RGL1: variants seen among roughly 807,000 people sequenced by gnomAD.
RGL1 encodes the protein ral guanine nucleotide dissociation stimulator like 1, also known as ral guanine nucleotide dissociation stimulator-like 1.
RGL1 carries 24 observed loss-of-function variants against 95.2 expected under a neutral mutation model. That is an observed-to-expected ratio of 0.25 (90% confidence interval 0.18 to 0.35). The LOEUF (loss-of-function observed/expected upper bound fraction) is 0.35, where lower values mean the gene tolerates loss of function less well. RGL1 is among the 10% of genes least tolerant of loss of function. RGL1 has a pLI of 1.00. For synonymous variants in RGL1, 329 were observed against 344.9 expected (o/e 0.95, Z 0.51); for missense variants, 715 against 936.3 (o/e 0.76, Z 3.08).
chr1:183,726,103 G>A (rs947869585), intron 1 of RGL1, among the ~76,000 whole-genome samples: 1 of 152,078 alleles, frequency 6.6e-6, no homozygotes, highest in Non-Finnish European at 1.5e-5. Flanking sequence ...GAAAATATTT[G>A]GGGGTAAATG....
At chr1:183,923,818 T>G (rs570444954) in intron 17 of RGL1, among the ~76,000 whole-genome samples, 1 of 152,316 alleles carries the variant, frequency 6.6e-6, no homozygotes, top group Admixed American at 6.5e-5. Flanking sequence ...GCTGAGCCTT[T>G]GTGCACAGAA....
intron 1 of RGL1, among the ~76,000 whole-genome samples, chr1:183,732,211 T>C (rs886620783): frequency 9.9e-5 from 15 of 152,150 alleles, no homozygotes; most frequent in African/African-American, 3.6e-4. Context: ...GAACGCAAGA[T>C]ACAATCTTAG....
At chr1:183,702,815 C>A (rs373387821) in intron 1 of RGL1, among the ~76,000 whole-genome samples, 1 of 152,178 alleles carries the variant, frequency 6.6e-6, no homozygotes, top group East Asian at 1.9e-4. Flanking sequence ...AGCGCACCAA[C>A]GAACAACACA....
At position 183,927,419 on chromosome 1, in the gene RGL1, CTGA is replaced by C. The variant is rs948003710; in HGVS notation, c.*1129_*1131del. The C allele has an allele frequency of 2.6e-5, 4 of 152,314 alleles. No homozygotes were observed. The highest frequency in any genetic ancestry group is 9.7e-5 in the African/African-American group (4 of 41,442). 9.4% of individuals were successfully genotyped at this position (152,314 alleles called of 1,614,324 possible). ...ATAGCCCCTCAGAAGATGTTCCCTG[CTGA>C]TAACAGCATCCTATTTTACTTACTT... On this transcript the variant is annotated 3_prime_UTR_variant, in exon 18 of 18. Coordinates refer to ENST00000360851, the MANE Select transcript of RGL1 (RefSeq NM_001297671.3).
intron 1 of RGL1, among the ~76,000 whole-genome samples, chr1:183,683,360 G>A (rs1398555610): frequency 6.6e-6 from 1 of 152,184 alleles, no homozygotes; most frequent in Non-Finnish European, 1.5e-5. Context: ...GGGAGGCCTG[G>A]TGGTGACAAA....
intron 14 of RGL1, among the ~76,000 whole-genome samples, chr1:183,909,526 T>G (rs982221369): frequency 2.6e-5 from 4 of 152,180 alleles, no homozygotes; most frequent in East Asian, 1.9e-4. Flanking sequence ...TTTTTGCTTC[T>G]GTGATCAGAG....
chr1:183,921,141 C>T (rs1669288290), intron 16 of RGL1, among the ~76,000 whole-genome samples: 2 of 152,158 alleles, frequency 1.3e-5, no homozygotes, highest in African/African-American at 4.8e-5. Context: ...GCACACCCTG[C>T]AAATAGTTGG....
chr1:183,797,543 G>A (rs1279838891), intron 2 of RGL1, among the ~76,000 whole-genome samples: 8 of 152,114 alleles, frequency 5.3e-5, no homozygotes, highest in Non-Finnish European at 7.3e-5. Context: ...ATATAAAAAC[G>A]TAATAACAGA....
chr1:183,697,287 G>A (rs919826948), intron 1 of RGL1, among the ~76,000 whole-genome samples: 4 of 151,968 alleles, frequency 2.6e-5, no homozygotes, highest in Admixed American at 6.6e-5. Flanking sequence ...AAATTGTAAC[G>A]GCCCTAATCA....
intron 4 of RGL1, 69 bp from the exon 5 acceptor site, chr1:183,880,547 G>C: frequency 1.3e-6 from 2 of 1,484,294 alleles, no homozygotes; most frequent in Non-Finnish European, 1.9e-6. Flanking sequence ...GGTCCACCCT[G>C]GTGTCCAGGG....
chr1:183,723,911 T>G (rs7524241), intron 1 of RGL1, among the ~76,000 whole-genome samples: 71,104 of 151,800 alleles, frequency 0.47, 17,495 homozygotes, highest in East Asian at 0.8. Flanking sequence ...TCTTTCTGCT[T>G]GAAGAAAGGA....
intron 1 of RGL1, among the ~76,000 whole-genome samples, chr1:183,664,517 C>T (rs769608316): frequency 6.6e-6 from 1 of 150,724 alleles, no homozygotes; most frequent in Non-Finnish European, 1.5e-5. Context: ...CAGCTAGTAA[C>T]TGGCAGAGCT....
At chr1:183,903,667 C>G (rs1668156013) in intron 12 of RGL1, among the ~76,000 whole-genome samples, 1 of 152,056 alleles carries the variant, frequency 6.6e-6, no homozygotes, top group African/African-American at 2.4e-5. Flanking sequence ...ATAATACAAC[C>G]TGAAAAGGGT....
In RGL1 at chr1:183,834,553, A is replaced by G. The variant is rs1663500627; in HGVS notation, c.139-13013A>G. ...CTAAGCTCTGTACCCCTTTCTTTAC[A>G]CGTCATTAAATGAAGAAATTCACAC... On this transcript the variant is annotated intron_variant, in intron 2 of 17. Coordinates refer to ENST00000360851, the MANE Select transcript of RGL1 (RefSeq NM_001297671.3). 3.7e-5 allele frequency among the ~76,000 whole-genome samples: 5 copies of G among 136,032 alleles called. No individual in the cohort carries two copies. In the Admixed American group the frequency reaches 3.9e-4, roughly 11 times the overall value. The allele number at this position is 136,032 out of a possible 152,430, so 89.2% of individuals were successfully genotyped here. A position where few individuals can be genotyped will look rare whatever the true frequency, so the allele number is the denominator to read the frequency against.
At chr1:183,718,580 TC>T (rs1214715883) in intron 1 of RGL1, among the ~76,000 whole-genome samples, 8 of 152,278 alleles carry the variant, frequency 5.3e-5, no homozygotes, top group Admixed American at 5.2e-4. Flanking sequence ...TAAGTTGGAA[TC>T]CTGGATCCAC....
At chr1:183,720,462 G>A (rs1330908445) in intron 1 of RGL1, among the ~76,000 whole-genome samples, 2 of 152,176 alleles carry the variant, frequency 1.3e-5, no homozygotes, top group Non-Finnish European at 2.9e-5. Flanking sequence ...AACTGTATAT[G>A]CAACCTATAA....
At chr1:183,840,608 A>G (rs1246571170) in intron 2 of RGL1, among the ~76,000 whole-genome samples, 1 of 152,012 alleles carries the variant, frequency 6.6e-6, no homozygotes, top group Non-Finnish European at 1.5e-5. Context: ...CATGCCTGTA[A>G]TGCTAGCACT....
chr1:183,648,387 T>C, intron 1 of RGL1: 1 of 1,614,220 alleles, frequency 6.2e-7, no homozygotes, highest in Non-Finnish European at 8.5e-7. Context: ...GATGCAGCAG[T>C]GGTTAGCTTC....
chr1:183,668,666 G>A lies in RGL1; in HGVS notation c.-33+32165G>A, dbSNP rs116696739. On this transcript the variant is annotated intron_variant, in intron 1 of 18. Transcript: ENST00000304685. ...ATTTGAATATCTATGCCTAAGCATA[G>A]TTTTTTTTGTTTTCTTTTTGTTTTG... Among the ~76,000 whole-genome samples the A allele has an allele frequency of 8.3e-3, 1,255 of 151,700 alleles. 8 individuals are homozygous for A. The highest frequency in any genetic ancestry group is 0.012 in the Non-Finnish European group (781 of 67,880).
Sources: allele counts gnomAD v4.1 joint callset (sites outside exome capture counted in the v4.1 genomes callset), GRCh38; gene constraint gnomAD v4.1.1; transcripts MANE v1.5; gene names NCBI Gene and HGNC (gene_info 2026-07-23, HGNC 2026-07-21).